Variants in CTXND1 observed in about 807,000 individuals in gnomAD.
The protein encoded by CTXND1 is cortexin domain-containing 1 protein.
At position 80,216,539 on chromosome 15, in the gene CTXND1, T is replaced by A. The variant is rs191450115; in HGVS notation, c.-217-12799A>T. Among the ~76,000 whole-genome samples the A allele has an allele frequency of 1.4e-3, 218 of 152,356 alleles. 1 individual carries two copies. Among genetic ancestry groups the A allele is most frequent in the African/African-American group, 4.9e-3 (205 of 41,582 alleles). On this transcript the variant is annotated intron_variant, in intron 1 of 2. Coordinates refer to ENST00000560778, the MANE Select transcript of CTXND1 (RefSeq NM_001352888.2). ...GCAAAAGTAATTTGAGCCTTGTTTA[T>A]GGATCATCATTTAATATAGAAACAG...
At chr15:80,204,464 G>A (rs139135649) in intron 1 of CTXND1, among the ~76,000 whole-genome samples, 26 of 150,846 alleles carry the variant, frequency 1.7e-4, no homozygotes, top group Non-Finnish European at 3.5e-4. Context: ...AGCCCGGGGC[G>A]GCCACCATTC....
chr15:80,234,504 G>T (rs544107777), intron 1 of CTXND1, among the ~76,000 whole-genome samples: 12 of 138,802 alleles, frequency 8.6e-5, no homozygotes, highest in Non-Finnish European at 1.5e-5. Flanking sequence ...CTGAGAGGAA[G>T]TTTCACTCTG....
At chr15:80,215,844 G>A (rs1182269819) in intron 1 of CTXND1, among the ~76,000 whole-genome samples, 2 of 152,068 alleles carry the variant, frequency 1.3e-5, no homozygotes. Context: ...CCCTCTGGAC[G>A]TTGCTTAGGG....
chr15:80,230,681 A>G (rs1364053538), intron 1 of CTXND1, among the ~76,000 whole-genome samples: 1 of 152,168 alleles, frequency 6.6e-6, no homozygotes. Context: ...TTGGAGCTAT[A>G]AATGTTCCTT....
At chr15:80,220,911 T>C (rs1028450909) in intron 1 of CTXND1, among the ~76,000 whole-genome samples, 1 of 139,366 alleles carries the variant, frequency 7.2e-6, no homozygotes, top group Non-Finnish European at 1.6e-5. Context: ...TTATTATTAT[T>C]ATTTTTTTTT....
chr15:80,222,933 A>G (rs766501640), intron 1 of CTXND1, among the ~76,000 whole-genome samples: 1 of 152,218 alleles, frequency 6.6e-6, no homozygotes, highest in Non-Finnish European at 1.5e-5. Context: ...CCTGTCCCCT[A>G]GAAGAAACCA....
chr15:80,228,882 C>T (rs1307077752), intron 1 of CTXND1, among the ~76,000 whole-genome samples: 1 of 152,118 alleles, frequency 6.6e-6, no homozygotes, highest in African/African-American at 2.4e-5. Context: ...CCTGCCTCGG[C>T]CCCCGAAAGT....
At chr15:80,240,878 G>C (rs1595910367) in intron 1 of CTXND1, among the ~76,000 whole-genome samples, 1 of 152,214 alleles carries the variant, frequency 6.6e-6, no homozygotes, top group Non-Finnish European at 1.5e-5. Context: ...CTGGTACCTA[G>C]AGAATCCCCA....
At chr15:80,243,650 C>A (rs1262617505) in intron 1 of CTXND1, among the ~76,000 whole-genome samples, 1 of 152,198 alleles carries the variant, frequency 6.6e-6, no homozygotes, top group Non-Finnish European at 1.5e-5. Flanking sequence ...GCAAAGCCAT[C>A]TTTCTCCTTG....
chr15:80,232,848 C>T (rs760944953), intron 1 of CTXND1, among the ~76,000 whole-genome samples: 6 of 151,914 alleles, frequency 3.9e-5, no homozygotes, highest in Admixed American at 6.6e-5. Context: ...GAAGAATGTT[C>T]GTTGGAAATT....
chr15:80,244,257 T>A (rs1595911052), intron 1 of CTXND1, among the ~76,000 whole-genome samples: 1 of 152,246 alleles, frequency 6.6e-6, no homozygotes, highest in East Asian at 1.9e-4. Flanking sequence ...GAGATTTAAA[T>A]GAACAGATGA....
intron 1 of CTXND1, among the ~76,000 whole-genome samples, chr15:80,249,759 C>T (rs1893673389): frequency 6.6e-6 from 1 of 152,218 alleles, no homozygotes; most frequent in African/African-American, 2.4e-5. Flanking sequence ...TCAGGAAACA[C>T]ACAAATTCCC....
rs1260507676 is a variant in CTXND1 at position 80,200,290 on chromosome 15, CACA to C, written c.*1477_*1479del. ...TGCCCATGTTCTCTCATTTCGTCCT[CACA>C]ACAACCTTGCGAGGTAGATGTTATT... On this transcript the variant is annotated 3_prime_UTR_variant, in exon 3 of 3. Coordinates refer to ENST00000560778, the MANE Select transcript of CTXND1 (RefSeq NM_001352888.2). The C allele has an allele frequency of 1.3e-5, 2 of 152,212 alleles. No homozygotes were observed. The highest frequency in any genetic ancestry group is 2.9e-5 in the Non-Finnish European group (2 of 68,050). 9.4% of individuals were successfully genotyped at this position (152,212 alleles called of 1,614,324 possible). A position where few individuals can be genotyped will look rare whatever the true frequency, so the allele number is the denominator to read the frequency against.
Position 80,197,649 on chromosome 15 carries a change from G to A in CTXND1, c.*4121C>T, listed in dbSNP as rs2041427189. 2 of 152,242 alleles carry A rather than the reference G, an allele frequency of 1.3e-5. No individual in the cohort carries two copies. Among genetic ancestry groups the A allele is most frequent in the African/African-American group, 4.8e-5 (2 of 41,454 alleles). The allele number at this position is 152,242 out of a possible 1,614,324, so 9.4% of individuals were successfully genotyped here. On this transcript the variant is annotated 3_prime_UTR_variant, in exon 3 of 3. Transcript: ENST00000560778. ...GATTGGACAGAATAGCTGGGCACAT[G>A]GATGTGGACCCAGATAACTCTGTTT...
chr15:80,218,010 G>A (rs1349412810), intron 1 of CTXND1, among the ~76,000 whole-genome samples: 1 of 152,146 alleles, frequency 6.6e-6, no homozygotes, highest in Admixed American at 6.5e-5. Context: ...TTTCTTATAG[G>A]AATCTGGGAA....
chr15:80,241,770 G>C (rs937307129), intron 1 of CTXND1, among the ~76,000 whole-genome samples: 1 of 152,212 alleles, frequency 6.6e-6, no homozygotes, highest in Non-Finnish European at 1.5e-5. Context: ...CTGCTCGTTG[G>C]CCTACCCTCC....
intron 1 of CTXND1, among the ~76,000 whole-genome samples, chr15:80,238,736 A>G (rs1893532426): frequency 2.0e-5 from 3 of 152,010 alleles, no homozygotes; most frequent in South Asian, 4.1e-4. Context: ...TGGCCTCCCA[A>G]AGTGCTGGGA....
At chr15:80,251,141 C>T (rs560187606) in intron 1 of CTXND1, among the ~76,000 whole-genome samples, 1 of 152,302 alleles carries the variant, frequency 6.6e-6, no homozygotes, top group South Asian at 2.1e-4. Flanking sequence ...GGGTCCCGAG[C>T]CACATCCTGA....
At chr15:80,242,290 A>G (rs1398843019) in intron 1 of CTXND1, among the ~76,000 whole-genome samples, 15 of 152,170 alleles carry the variant, frequency 9.9e-5, no homozygotes. Flanking sequence ...GGCAAGTTAG[A>G]TGTCTTTGAA....
Sources: allele counts gnomAD v4.1 joint callset (sites outside exome capture counted in the v4.1 genomes callset), GRCh38; gene constraint gnomAD v4.1.1; transcripts MANE v1.5; gene names NCBI Gene and HGNC (gene_info 2026-07-23, HGNC 2026-07-21).